The following MRC2 variants were observed in gnomAD, a reference collection of about 807,000 sequenced individuals.
MRC2 encodes mannose receptor C-type 2, also known as C-type mannose receptor 2.
MRC2 carries 84 observed loss-of-function variants against 206.2 expected under a neutral mutation model. The observed-to-expected ratio is 0.41, with a 90% CI of 0.34 to 0.49. The LOEUF (loss-of-function observed/expected upper bound fraction) is 0.49. Ranked by LOEUF, MRC2 falls within the 20% of genes least tolerant of loss-of-function variation. MRC2 has a pLI of 0.31. For missense variants in MRC2, 1,676 were observed against 2,001.5 expected, an observed-to-expected ratio of 0.84 and a Z score of 3.10; for synonymous variants, 798 against 800.0, an observed-to-expected ratio of 1.00 and a Z score of 0.04.
At chr17:62,662,938 G>T (rs2088698731) in intron 1 of MRC2, among the ~76,000 whole-genome samples, 1 of 152,074 alleles carries the variant, frequency 6.6e-6, no homozygotes, top group East Asian at 1.9e-4. Flanking sequence ...AGAAACAAAA[G>T]AAAATAAACA....
Position 62,666,288 on chromosome 17 carries a change from G to T in MRC2, c.694+21G>T. ...CAAGAGTGAGAGCTGTTGGAGCCGT[G>T]GGGGCGGGGGCAGTGTTCCTGGAGG... On this transcript the variant is annotated intron_variant, in intron 3 of 29. Coordinates refer to ENST00000303375, the MANE Select transcript of MRC2 (RefSeq NM_006039.5). This position sits in a 1 kb window ranked among gnomAD's most constrained non-coding sequence, Gnocchi z 5.0. The T allele has an allele frequency of 1.3e-6, 2 of 1,555,512 alleles. No individual in the cohort carries two copies. The highest frequency in any genetic ancestry group is 1.2e-5 in the South Asian group (1 of 80,786).
chr17:62,637,356 T>C (rs1055051262), intron 1 of MRC2, among the ~76,000 whole-genome samples: 1 of 151,520 alleles, frequency 6.6e-6, no homozygotes, highest in African/African-American at 2.4e-5. Context: ...GCCAACATGG[T>C]GAAACCCTGT....
chr17:62,678,777 C>A, intron 13 of MRC2, 131 bp downstream of exon 13: 1 of 1,312,652 alleles, frequency 7.6e-7, no homozygotes, highest in South Asian at 1.4e-5. Flanking sequence ...GGGAGGCCTG[C>A]ATCTGCTGCT....
Position 62,657,247 on chromosome 17 carries a change from A to G in MRC2, c.119-7301A>G, listed in dbSNP as rs547556926. 2.0e-5 allele frequency among the ~76,000 whole-genome samples: 3 copies of G among 152,306 alleles called. No homozygotes were observed. The East Asian group carries it at 5.8e-4, about 29-fold the overall frequency. On this transcript the variant is annotated intron_variant, in intron 1 of 29. Transcript: ENST00000303375. The stretch of plus-strand genomic sequence containing the variant: ...GTAGAGCCCAGCGCCCTGCCAGACC[A>G]TATGGTGATAAGGGCTGGGATCATG...
chr17:62,683,662 G>A (rs1213903934), intron 20 of MRC2, among the ~76,000 whole-genome samples: 1 of 151,506 alleles, frequency 6.6e-6, no homozygotes, highest in Non-Finnish European at 1.5e-5. Flanking sequence ...CCAGGAGTTC[G>A]AGACCAGTCT....
chr17:62,671,176 A>C lies in MRC2; in HGVS notation c.1118-473A>C, dbSNP rs2088821520. 6.6e-6 allele frequency among the ~76,000 whole-genome samples: 1 copy of C among 152,154 alleles called. No homozygotes were observed. Among genetic ancestry groups the C allele is most frequent in the Non-Finnish European group, 1.5e-5 (1 of 68,030 alleles). On this transcript the variant is annotated intron_variant, in intron 6 of 29. Coordinates refer to ENST00000303375, the MANE Select transcript of MRC2 (RefSeq NM_006039.5). This position sits in a 1 kb window ranked among gnomAD's most constrained non-coding sequence, Gnocchi z 4.5. ...AGCCTTGACCTCCCCGGGTCAAGTG[A>C]TCCTCCCACCTCAGCCTCCTGAGTA...
intron 6 of MRC2, among the ~76,000 whole-genome samples, chr17:62,669,784 G>C (rs557100944): frequency 6.6e-6 from 1 of 152,076 alleles, no homozygotes; most frequent in Non-Finnish European, 1.5e-5. Flanking sequence ...TCGAACTCCT[G>C]TCTTCAAGTG....
chr17:62,661,021 A>G (rs2088673010), intron 1 of MRC2, among the ~76,000 whole-genome samples: 1 of 152,234 alleles, frequency 6.6e-6, no homozygotes, highest in South Asian at 2.1e-4. Context: ...GGCCAGGAGG[A>G]TCTCTCTAAA....
At position 62,652,156 on chromosome 17, in the gene MRC2, T is replaced by C. The variant is rs951007086; in HGVS notation, c.119-12392T>C. The stretch of plus-strand genomic sequence containing the variant: ...TGTAGACACTTTGTCAAAACTACAT[T>C]TTAAAAAAATGCTTTCCCCCAAATT... On this transcript the variant is annotated intron_variant, in intron 1 of 29. Coordinates refer to ENST00000303375, the MANE Select transcript of MRC2 (RefSeq NM_006039.5). This position sits in a 1 kb window ranked among gnomAD's most constrained non-coding sequence, Gnocchi z 4.6. Among the ~76,000 whole-genome samples the C allele has an allele frequency of 4.6e-5, 7 of 152,238 alleles. No individual in the cohort carries two copies. Among genetic ancestry groups the C allele is most frequent in the African/African-American group, 1.7e-4 (7 of 41,464 alleles).
At position 62,688,521 on chromosome 17, in the gene MRC2, C is replaced by T. The variant is rs923445563; in HGVS notation, c.3082C>T (p.Pro1028Ser). Reference sequence around the variant, plus strand: ...CATAGCATTCATCACAGCCAGCCTGCCCAATGTGACCTTTGACCTTTGGAT... The same window carrying T: ...CATAGCATTCATCACAGCCAGCCTGTCCAATGTGACCTTTGACCTTTGGAT... ...LEQAFITASL[P>S]NVTFDLWIGL... Residue 1028 changes from proline (P) to serine (S), a missense_variant, in exon 22 of 30, where the codon CCC becomes TCC. Physicochemically the swap from Pro to Ser is moderately conservative, Grantham distance 74 (BLOSUM62 -1). Transcript: ENST00000303375. The T allele has an allele frequency of 1.2e-6, 2 of 1,614,230 alleles. No individual in the cohort carries two copies. Among genetic ancestry groups the T allele is most frequent in the East Asian group, 4.5e-5 (2 of 44,882 alleles).
Position 62,666,929 on chromosome 17 carries a change from C to T in MRC2, c.973+59C>T. On this transcript the variant is annotated intron_variant, in intron 5 of 29. Transcript: ENST00000303375. The surrounding 1 kb of genome is among the most constrained non-coding windows in gnomAD (Gnocchi z 5.0). ...AGGGGCCCCGCGGGCTCTTGGCCTC[C>T]CATGGACTCCTCTCCTCATGTCCTC... 1 of 1,277,482 alleles carries T rather than the reference C, an allele frequency of 7.8e-7. No individual in the cohort carries two copies. Among genetic ancestry groups the T allele is most frequent in the Non-Finnish European group, 1.1e-6 (1 of 888,002 alleles). 79.1% of individuals were successfully genotyped at this position (1,277,482 alleles called of 1,614,324 possible). A position where few individuals can be genotyped will look rare whatever the true frequency, so the allele number is the denominator to read the frequency against.
intron 26 of MRC2, 151 bp from the exon 27 acceptor site, chr17:62,690,491 C>T (rs2089094108): frequency 2.2e-6 from 3 of 1,358,682 alleles, no homozygotes; most frequent in Non-Finnish European, 3.0e-6. Flanking sequence ...CCCCCCCACA[C>T]ACTTGCACAT....
chr17:62,690,346 G>T (rs1350255260), intron 26 of MRC2, 41 bp downstream of exon 26: 2 of 1,572,604 alleles, frequency 1.3e-6, no homozygotes, highest in East Asian at 4.5e-5. Flanking sequence ...CGGGCAGGTG[G>T]CACCTCCTCT....
intron 1 of MRC2, among the ~76,000 whole-genome samples, chr17:62,640,205 G>T (rs767873886): frequency 2.0e-5 from 3 of 151,936 alleles, no homozygotes; most frequent in Non-Finnish European, 4.4e-5. Context: ...TGAGGACTGT[G>T]AGACAGTCTT....
chr17:62,688,645 C>T lies in MRC2; in HGVS notation c.3206C>T (p.Ala1069Val). 6.2e-7 allele frequency: 1 copy of T among 1,613,908 alleles called. No homozygotes were observed. The highest frequency in any genetic ancestry group is 2.2e-5 in the East Asian group (1 of 44,868). Residue 1069 changes from alanine to valine, a missense_variant, in exon 22 of 30, where the codon GCT becomes GTT. Ala to Val is a moderately conservative substitution (Grantham distance 64, BLOSUM62 0). Transcript: ENST00000303375. The part of the protein sequence containing the change: ...APGEPSGPSP[A>V]PSGNKPTSCA... The stretch of plus-strand genomic sequence containing the variant: ...GGGGAGCCCTCTGGCCCTAGCCCTG[C>T]TCCCAGTGGCAACAAACCGGTGAGG...
At chr17:62,663,387 G>C (rs573144884) in intron 1 of MRC2, among the ~76,000 whole-genome samples, 3 of 152,110 alleles carry the variant, frequency 2.0e-5, no homozygotes, top group Non-Finnish European at 4.4e-5. Flanking sequence ...TTGGGATTTA[G>C]TTTTTTCACA....
intron 21 of MRC2, 48 bp from the exon 22 acceptor site, chr17:62,688,453 C>G: frequency 1.2e-6 from 2 of 1,614,136 alleles, no homozygotes; most frequent in South Asian, 1.1e-5. Context: ...ACTGTCCCCC[C>G]AAATAGCTAT....
chr17:62,680,243 C>T lies in MRC2; in HGVS notation c.2372C>T (p.Ala791Val). The change falls in exon 15 of 30, where the codon GCC becomes GTC. Residue 791 changes from alanine to valine, a missense_variant. By Grantham distance (64) the Ala-to-Val change is moderately conservative (BLOSUM62 0). Transcript: ENST00000303375. This position sits in a 1 kb window ranked among gnomAD's most constrained non-coding sequence, Gnocchi z 4.8. ...DIRGCAVLDL[A>V]SLQWVAMQCD... is the part of the protein sequence containing the mutation. ...CGAGGCTGTGCGGTGCTGGACCTGG[C>T]CTCCCTGCAGTGGGTGGCCATGCAG... 1.2e-6 allele frequency: 2 copies of T among 1,614,096 alleles called. No individual in the cohort carries two copies. The highest frequency in any genetic ancestry group is 1.7e-6 in the Non-Finnish European group (2 of 1,179,992).
intron 20 of MRC2, chr17:62,684,095 G>A (rs754612339): frequency 6.6e-6 from 1 of 152,136 alleles, no homozygotes; most frequent in East Asian, 1.9e-4. Flanking sequence ...TGTACTTCAC[G>A]TTTTTAAAAA....
Sources: allele counts gnomAD v4.1 joint callset (sites outside exome capture counted in the v4.1 genomes callset), GRCh38; gene constraint gnomAD v4.1.1; non-coding constraint Gnocchi (gnomAD v3.1); transcripts MANE v1.5; gene names NCBI Gene and HGNC (gene_info 2026-07-23, HGNC 2026-07-21).